KLC1: variants seen among roughly 807,000 people sequenced by gnomAD.
The protein encoded by KLC1 is kinesin 2 60/70kDa.
Under a neutral mutation model 84.2 loss-of-function variants are expected in KLC1, and 30 were observed. The ratio of observed to expected loss-of-function variants is 0.36; its 90% CI spans 0.27 to 0.48. The LOEUF (loss-of-function observed/expected upper bound fraction) is 0.48, where lower values mean the gene tolerates loss of function less well. Among genes scored for constraint, KLC1 ranks in the 20% least tolerant of loss-of-function variants. The pLI is 0.99. For synonymous variants in KLC1, 289 were observed against 293.3 expected (o/e 0.99, Z 0.15); for missense variants, 499 against 805.4 (o/e 0.62, Z 4.60).
chr14:103,690,518 T>C (rs2082039676), intron 14 of KLC1, among the ~76,000 whole-genome samples: 1 of 152,234 alleles, frequency 6.6e-6, no homozygotes, highest in Admixed American at 6.5e-5. Context: ...TGCCCTGGGC[T>C]TTCAGCCTCA....
intron 13 of KLC1, 63 bp downstream of exon 13, chr14:103,679,608 C>T (rs771721805): frequency 1.6e-6 from 2 of 1,271,328 alleles, no homozygotes; most frequent in East Asian, 2.3e-5. Flanking sequence ...CTTGCCAGGC[C>T]TTCCTCCTGT....
intron 5 of KLC1, among the ~76,000 whole-genome samples, chr14:103,665,055 T>A (rs79616839): frequency 0.02 from 3,114 of 152,122 alleles, 76 homozygotes; most frequent in African/African-American, 0.052. Context: ...CGTGCGTAGA[T>A]GTTTGGGAAA....
intron 1 of KLC1, among the ~76,000 whole-genome samples, chr14:103,639,913 C>T (rs1470759272): frequency 6.6e-6 from 1 of 152,016 alleles, no homozygotes; most frequent in Admixed American, 6.6e-5. Context: ...TGTCACCACA[C>T]CCAGCTAATT....
chr14:103,679,158 C>T (rs1208095733), intron 12 of KLC1: 1 of 608,678 alleles, frequency 1.6e-6, no homozygotes, highest in Non-Finnish European at 2.9e-6. Flanking sequence ...CACGGGTACA[C>T]ACCCTGTGCA....
At position 103,669,437 on chromosome 14, in the gene KLC1, A is replaced by AAAAAGAAAAG. The variant is rs57555596; in HGVS notation, c.798-58_798-49dup. On this transcript the variant is annotated intron_variant, in intron 5 of 16. Transcript: ENST00000334553. ...CAACAGAGTCAGACTCTGTCTAAAAAAAAAGAAAAGAAAAGAAAAGAAAAG... is the reference window on the plus strand; with the variant it reads ...CAACAGAGTCAGACTCTGTCTAAAAAAAAAGAAAAGAAAAGAAAAGAAAAGAAAAGAAAAG... The AAAAAGAAAAG allele has an allele frequency of 4.4e-4, 381 of 857,854 alleles. 2 individuals carry two copies. The African/African-American group carries it at 5.7e-3, about 13-fold the overall frequency. 53.1% of individuals were successfully genotyped at this position (857,854 alleles called of 1,614,324 possible).
intron 11 of KLC1, among the ~76,000 whole-genome samples, chr14:103,677,069 C>A (rs2080960601): frequency 6.6e-6 from 1 of 152,184 alleles, no homozygotes; most frequent in Non-Finnish European, 1.5e-5. Context: ...TCAGCGCAGA[C>A]CAAGTCGTCT....
intron 9 of KLC1, 63 bp downstream of exon 9, chr14:103,673,494 TACTAA>T: frequency 5.3e-5 from 53 of 992,736 alleles, no homozygotes; most frequent in Non-Finnish European, 7.3e-5. Context: ...AATAGTAATA[TACTAA>T]TAGTATTAGT....
In KLC1 at chr14:103,673,114, A is replaced by T; in HGVS notation, c.1088A>T (p.Gln363Leu). 1 of 1,613,492 alleles carries T rather than the reference A, an allele frequency of 6.2e-7. No individual in the cohort carries two copies. ...GKYEEVEYYYQRALEIYQTKL... is the reference protein window; with the variant it reads ...GKYEEVEYYYLRALEIYQTKL... ...TATGAAGAAGTAGAATATTATTATC[A>T]AAGAGCCCTCGAGATCTACCAGACA... Residue 363 changes from glutamine (Q) to leucine (L), a missense_variant, in exon 8 of 17, where the codon CAA becomes CTA. By Grantham distance (113) the Gln-to-Leu change is moderately radical. Coordinates refer to ENST00000334553, the MANE Select transcript of KLC1 (RefSeq NM_001394837.1).
chr14:103,699,385 G>C, intron 15 of KLC1: 1 of 1,610,204 alleles, frequency 6.2e-7, no homozygotes, highest in African/African-American at 1.3e-5. Flanking sequence ...ACAGCACAGG[G>C]CTCTGGAAGG....
chr14:103,697,838 CCA>C (rs559884792), intron 15 of KLC1: 2 of 152,312 alleles, frequency 1.3e-5, no homozygotes, highest in African/African-American at 4.8e-5. Context: ...TAAGGCCTGG[CCA>C]CAGTGTGGGA....
chr14:103,637,658 G>A (rs903677589), intron 1 of KLC1, among the ~76,000 whole-genome samples: 2 of 152,098 alleles, frequency 1.3e-5, no homozygotes, highest in Non-Finnish European at 2.9e-5. Flanking sequence ...CCAAATAGAT[G>A]CATTTGTTTT....
rs777170609 is a variant in KLC1, at chr14:103,693,848, G to A, written c.1848+1423G>A. ...CCAGGAGCCACCCCGACCGCGACCC[G>A]GCCAGGCTGGCTCAGGGAGGCCGAG... is the stretch of plus-strand genomic sequence containing the variant. On this transcript the variant is annotated intron_variant, in intron 15 of 16. Coordinates refer to ENST00000334553, the MANE Select transcript of KLC1 (RefSeq NM_001394837.1). This position sits in a 1 kb window ranked among gnomAD's most constrained non-coding sequence, Gnocchi z 5.1. The A allele has an allele frequency of 8.1e-5, 112 of 1,376,838 alleles. No individual in the cohort carries two copies. Among genetic ancestry groups the A allele is most frequent in the Non-Finnish European group, 1.0e-4 (108 of 1,068,008 alleles). 85.3% of individuals were successfully genotyped at this position (1,376,838 alleles called of 1,614,324 possible).
At chr14:103,646,488 A>G (rs1158832066) in intron 1 of KLC1, among the ~76,000 whole-genome samples, 1 of 151,560 alleles carries the variant, frequency 6.6e-6, no homozygotes, top group East Asian at 1.9e-4. Flanking sequence ...TTTAATTAAA[A>G]TATTATATGT....
At chr14:103,664,974 G>A (rs150149108) in intron 5 of KLC1, among the ~76,000 whole-genome samples, 1 of 152,024 alleles carries the variant, frequency 6.6e-6, no homozygotes, top group Non-Finnish European at 1.5e-5. Flanking sequence ...ATCACTGCTG[G>A]GTGCTGGGGA....
intron 11 of KLC1, among the ~76,000 whole-genome samples, chr14:103,676,814 T>C (rs184835762): frequency 2.0e-5 from 3 of 152,340 alleles, no homozygotes; most frequent in Non-Finnish European, 2.9e-5. Context: ...AAGTCTGCTC[T>C]ATCAAGAATG....
At chr14:103,665,229 G>A (rs556257187) in intron 5 of KLC1, among the ~76,000 whole-genome samples, 32 of 151,088 alleles carry the variant, frequency 2.1e-4, no homozygotes, top group Middle Eastern at 6.8e-3. Flanking sequence ...TGATTGATTG[G>A]TTGTAGAGAT....
chr14:103,670,869 G>T (rs1449454545), intron 7 of KLC1, among the ~76,000 whole-genome samples: 1 of 151,786 alleles, frequency 6.6e-6, no homozygotes, highest in Non-Finnish European at 1.5e-5. Context: ...GATCACTTGA[G>T]CCTAGGAAGT....
rs1038316949 is a variant in KLC1, at chr14:103,693,855, C to T, written c.1848+1430C>T. On this transcript the variant is annotated intron_variant, in intron 15 of 16. Coordinates refer to ENST00000334553, the MANE Select transcript of KLC1 (RefSeq NM_001394837.1). The surrounding 1 kb of genome is among the most constrained non-coding windows in gnomAD (Gnocchi z 5.1). ...CCACCCCGACCGCGACCCGGCCAGG[C>T]TGGCTCAGGGAGGCCGAGGTGGCGC... 2.2e-5 allele frequency: 30 copies of T among 1,378,298 alleles called. No homozygotes were observed. The African/African-American group carries it at 4.0e-4, about 18-fold the overall frequency. The allele number at this position is 1,378,298 out of a possible 1,614,324, so 85.4% of individuals were successfully genotyped here. A position where few individuals can be genotyped will look rare whatever the true frequency, so the allele number is the denominator to read the frequency against.
intron 1 of KLC1, among the ~76,000 whole-genome samples, chr14:103,652,623 C>CT (rs2078539264): frequency 6.6e-6 from 1 of 152,114 alleles, no homozygotes; most frequent in Admixed American, 6.6e-5. Flanking sequence ...TCCTGAGTAG[C>CT]TGGGAGTACA....
Sources: allele counts gnomAD v4.1 joint callset (sites outside exome capture counted in the v4.1 genomes callset), GRCh38; gene constraint gnomAD v4.1.1; non-coding constraint Gnocchi (gnomAD v3.1); transcripts MANE v1.5; gene names NCBI Gene and HGNC (gene_info 2026-07-23, HGNC 2026-07-21).